Variants in USP9X observed in about 807,000 individuals in gnomAD.
USP9X encodes the protein ubiquitin specific peptidase 9 X-linked, also known as ubiquitin carboxyl-terminal hydrolase 9X.
Under a neutral mutation model 190.3 loss-of-function variants are expected in USP9X, and 7 were observed. The observed-to-expected ratio is 0.04, with a 90% CI of 0.02 to 0.07. The LOEUF is 0.07. USP9X is among the 10% of genes least tolerant of loss of function. The probability of loss-of-function intolerance (pLI) is 1.00; values close to 1 mark genes in which losing one functional copy is unlikely to be tolerated. For synonymous variants in USP9X, 645 were observed against 659.5 expected (o/e 0.98, Z 0.34); for missense variants, 1,010 against 1,916.9 (o/e 0.53, Z 8.83).
At position 41,166,153 on chromosome X, in the gene USP9X, C is replaced by A. The variant is rs1478291083; in HGVS notation, c.2267C>A (p.Ala756Glu). The change falls in exon 16 of 45, where the codon GCA (alanine) becomes GAA (glutamate). Residue 756 changes from alanine to glutamate, a missense_variant. Transcript: ENST00000378308. Reference protein sequence around the residue: ...AVNCREGKLVAKRRAYMMDDL... With the variant: ...AVNCREGKLVEKRRAYMMDDL... ...AATTGTCGAGAAGGAAAACTAGTAG[C>A]AAAAAGGAGAGCCTATATGATGGAT... The A allele has an allele frequency of 1.7e-6, 2 of 1,205,607 alleles. No individual in the cohort carries two copies. Among genetic ancestry groups the A allele is most frequent in the Admixed American group, 2.2e-5 (1 of 44,488 alleles).
chrX:41,132,180 G>T (rs977556717), intron 4 of USP9X, among the ~76,000 whole-genome samples: 16 of 110,868 alleles, frequency 1.4e-4, no homozygotes, highest in African/African-American at 4.6e-4. Flanking sequence ...TGTCACCCAG[G>T]CTGGAGTGTG....
At chrX:41,158,317 T>C (rs1177524126) in intron 14 of USP9X, among the ~76,000 whole-genome samples, 1 of 110,592 alleles carries the variant, frequency 9.0e-6, no homozygotes, top group African/African-American at 3.3e-5. Context: ...GAGAGAACAA[T>C]TGGAAGGTGG....
At chrX:41,162,746 G>T in intron 14 of USP9X, 44 bp from the exon 15 acceptor site, 1 of 1,060,695 alleles carries the variant, frequency 9.4e-7, no homozygotes, top group Non-Finnish European at 1.3e-6. Flanking sequence ...GCAGTGATTT[G>T]GGTTATCCAT....
At chrX:41,197,331 T>TGCGCG in intron 28 of USP9X, 33 bp from the exon 29 acceptor site, 1 of 486,766 alleles carries the variant, frequency 2.1e-6, no homozygotes, top group Non-Finnish European at 2.9e-6. Context: ...TTTGATTTCT[T>TGCGCG]CCCCCCCCCA....
At chrX:41,155,877 A>C (rs752189471) in intron 14 of USP9X, among the ~76,000 whole-genome samples, 130 of 112,427 alleles carry the variant, frequency 1.2e-3, no homozygotes, top group African/African-American at 4.1e-3. Flanking sequence ...AGAAAGTAAG[A>C]AAGTGCTCAA....
intron 26 of USP9X, among the ~76,000 whole-genome samples, chrX:41,191,964 T>C (rs2062940413): frequency 9.0e-6 from 1 of 111,201 alleles, no homozygotes; most frequent in Admixed American, 9.6e-5. Flanking sequence ...TTATGTGGCT[T>C]TTACTTCATG....
intron 1 of USP9X, among the ~76,000 whole-genome samples, chrX:41,089,691 C>G (rs6610510): frequency 1.8e-5 from 2 of 111,018 alleles, no homozygotes; most frequent in African/African-American, 3.3e-5. Context: ...TTTTATTTGT[C>G]TTAGTCAAAA....
At chrX:41,150,769 AT>A (rs1259210697) in intron 12 of USP9X, 151 bp from the exon 13 acceptor site, 1 of 577,695 alleles carries the variant, frequency 1.7e-6, no homozygotes, top group African/African-American at 2.4e-5. Flanking sequence ...AGCTTTTATT[AT>A]TTAAATTAAA....
chrX:41,133,247 A>G (rs768794135), intron 4 of USP9X, among the ~76,000 whole-genome samples: 71 of 112,041 alleles, frequency 6.3e-4, no homozygotes, highest in African/African-American at 2.1e-3. Context: ...TGAAAATACA[A>G]TACGCGGACA....
chrX:41,120,886 T>G (rs1372964656), intron 1 of USP9X, among the ~76,000 whole-genome samples: 2 of 105,958 alleles, frequency 1.9e-5, no homozygotes, highest in Non-Finnish European at 1.9e-5. Flanking sequence ...TTGCCCAGGC[T>G]GGAGTGCAGT....
rs1338170024 is a variant in USP9X at position 41,170,587 on chromosome X, A to C, written c.2995A>C (p.Asn999His). Residue 999 changes from asparagine (N) to histidine (H), a missense_variant, in exon 20 of 45, where the codon AAT becomes CAT. Physicochemically the swap from Asn to His is moderately conservative, Grantham distance 68 (BLOSUM62 1). Transcript: ENST00000378308. Reference protein sequence around the residue: ...NHGNHYSDGPNPEVESCLPGV... With the variant: ...NHGNHYSDGPHPEVESCLPGV... ...TGGTAATCATTACAGTGATGGTCCC[A>C]ATCCAGAAGTGGAAAGCTGTTTGCC... is the stretch of plus-strand genomic sequence containing the variant. The C allele has an allele frequency of 1.7e-6, 2 of 1,211,438 alleles. No individual in the cohort carries two copies. The highest frequency in any genetic ancestry group is 3.0e-5 in the East Asian group (1 of 33,814).
chrX:41,136,268 C>G lies in USP9X; in HGVS notation c.436-536C>G, dbSNP rs189140141. ...CTCTGCCTCCTGGGTTCGAGCTATT[C>G]TCATGCCTCAGCCTCCCGAGTAGCT... On this transcript the variant is annotated intron_variant, in intron 5 of 44. Coordinates refer to ENST00000378308, the MANE Select transcript of USP9X (RefSeq NM_001039591.3). Among the ~76,000 whole-genome samples, 3 of 112,170 alleles carry G rather than the reference C, an allele frequency of 2.7e-5. No homozygotes were observed. In the Admixed American group the frequency reaches 2.8e-4, roughly 11 times the overall value.
intron 9 of USP9X, 112 bp downstream of exon 9, chrX:41,141,543 T>C: frequency 1.3e-6 from 1 of 789,871 alleles, no homozygotes; most frequent in Non-Finnish European, 1.7e-6. Flanking sequence ...AAACTGAAAT[T>C]GGGAGGTGTT....
intron 33 of USP9X, among the ~76,000 whole-genome samples, chrX:41,214,124 A>G (rs1167885026): frequency 8.9e-6 from 1 of 112,202 alleles, no homozygotes; most frequent in Non-Finnish European, 1.9e-5. Context: ...CCATTACAGA[A>G]AAGGAAGAAT....
At chrX:41,160,840 A>G (rs932468566) in intron 14 of USP9X, among the ~76,000 whole-genome samples, 3 of 112,189 alleles carry the variant, frequency 2.7e-5, no homozygotes, top group African/African-American at 9.7e-5. Context: ...TGCAATGTAT[A>G]TTTAATCTTG....
chrX:41,191,451 G>A (rs1361111999), intron 26 of USP9X, among the ~76,000 whole-genome samples: 2 of 111,189 alleles, frequency 1.8e-5, no homozygotes, highest in African/African-American at 3.3e-5. Context: ...CTATAGTAAC[G>A]TTTAAGCATA....
In USP9X at chrX:41,101,614, A is replaced by G. The variant is rs774712565; in HGVS notation, c.-159+15505A>G. 1.4e-4 allele frequency among the ~76,000 whole-genome samples: 15 copies of G among 110,924 alleles called. No homozygotes were observed. The East Asian group carries it at 4.2e-3, about 31-fold the overall frequency. ...TATAGGCGCCCGCCACCACGCCTAT[A>G]GCAAAGATCGCACTACTGCACTCCA... On this transcript the variant is annotated intron_variant, in intron 1 of 44. Transcript: ENST00000378308.
At chrX:41,228,949 C>G (rs891872491) in intron 41 of USP9X, 2 of 142,907 alleles carry the variant, frequency 1.4e-5, no homozygotes, top group Admixed American at 8.1e-5. Context: ...AACCCCGTCT[C>G]TACTAAAAAT....
At chrX:41,219,686 G>A (rs1003837992) in intron 38 of USP9X, among the ~76,000 whole-genome samples, 6 of 111,769 alleles carry the variant, frequency 5.4e-5, no homozygotes, top group Non-Finnish European at 1.1e-4. Flanking sequence ...ATAAATACTC[G>A]CTTAAAATAT....
Sources: allele counts gnomAD v4.1 joint callset (sites outside exome capture counted in the v4.1 genomes callset), GRCh38; gene constraint gnomAD v4.1.1; transcripts MANE v1.5; gene names NCBI Gene and HGNC (gene_info 2026-07-23, HGNC 2026-07-21).